Variants in FBXL7 observed in about 807,000 individuals in gnomAD.
FBXL7 encodes the protein F-box/LRR-repeat protein 7.
A neutral mutation model predicts 38.3 loss-of-function variants in FBXL7; 12 were observed. The observed-to-expected ratio is 0.31, with a 90% confidence interval of 0.20 to 0.51. The LOEUF is 0.51. Ranked by LOEUF, FBXL7 falls within the 20% of genes least tolerant of loss-of-function variation. FBXL7 has a pLI of 0.98. For missense variants in FBXL7, 567 were observed against 676.4 expected (o/e 0.84, Z 1.79); for synonymous variants, 297 against 300.9 (o/e 0.99, Z 0.13).
At chr5:15,524,773 T>C (rs915952392) in intron 1 of FBXL7, among the ~76,000 whole-genome samples, 3 of 152,254 alleles carry the variant, frequency 2.0e-5, no homozygotes, top group South Asian at 4.1e-4. Context: ...TAAATTATAA[T>C]GTGAGTAACC....
chr5:15,871,158 C>T (rs545114811), intron 2 of FBXL7, among the ~76,000 whole-genome samples: 6 of 152,184 alleles, frequency 3.9e-5, no homozygotes, highest in Non-Finnish European at 5.9e-5. Context: ...GCTGGTGACA[C>T]CCAGGCAAAC....
Position 15,614,251 on chromosome 5 carries a change from G to GTTCTTTTCTTTTCTT in FBXL7, c.38-1719_38-1705dup, listed in dbSNP as rs373461403. On this transcript the variant is annotated intron_variant, in intron 1 of 3. Transcript: ENST00000504595. ...TAGTTGGTCATTAGCAATAGCTTGC[G>GTTCTTTTCTTTTCTT]TTCTTTTCTTTTCTTTTCTTTTCTT... Among the ~76,000 whole-genome samples, 14 of 141,458 alleles carry GTTCTTTTCTTTTCTT rather than the reference G, an allele frequency of 9.9e-5. 1 individual carries two copies. The highest frequency in any genetic ancestry group is 3.6e-4 in the African/African-American group (12 of 33,172). The allele number at this position is 141,458 out of a possible 152,430, so 92.8% of individuals were successfully genotyped here. A position where few individuals can be genotyped will look rare whatever the true frequency, so the allele number is the denominator to read the frequency against.
chr5:15,621,190 T>A (rs1358908031), intron 2 of FBXL7, among the ~76,000 whole-genome samples: 1 of 152,194 alleles, frequency 6.6e-6, no homozygotes, highest in Non-Finnish European at 1.5e-5. Flanking sequence ...GAATTGGCAG[T>A]CAGCAGGGCT....
chr5:15,782,198 T>A (rs1052047931), intron 2 of FBXL7, among the ~76,000 whole-genome samples: 1 of 152,172 alleles, frequency 6.6e-6, no homozygotes, highest in Non-Finnish European at 1.5e-5. Context: ...ATGGTGTGTA[T>A]GTGCCACATT....
At chr5:15,673,483 A>C (rs768183135) in intron 2 of FBXL7, among the ~76,000 whole-genome samples, 2 of 152,138 alleles carry the variant, frequency 1.3e-5, no homozygotes, top group Non-Finnish European at 2.9e-5. Context: ...TTGGTGTATA[A>C]ACTGATTGTA....
chr5:15,777,603 A>G (rs1014496602), intron 2 of FBXL7, among the ~76,000 whole-genome samples: 1 of 151,508 alleles, frequency 6.6e-6, no homozygotes, highest in African/African-American at 2.4e-5. Flanking sequence ...ACAGTGAAAG[A>G]GAAGTTGAAT....
chr5:15,724,246 C>T (rs560373601), intron 2 of FBXL7, among the ~76,000 whole-genome samples: 20 of 152,174 alleles, frequency 1.3e-4, no homozygotes, highest in African/African-American at 4.8e-4. Flanking sequence ...GTGCTTAAAA[C>T]TTCCTTTTTA....
At chr5:15,707,173 C>CTTTTTT (rs1743708795) in intron 2 of FBXL7, among the ~76,000 whole-genome samples, 4 of 39,156 alleles carry the variant, frequency 1.0e-4, no homozygotes, top group Non-Finnish European at 2.2e-4. Context: ...TTTTTCTTTT[C>CTTTTTT]GTTTTTTTTT....
intron 2 of FBXL7, among the ~76,000 whole-genome samples, chr5:15,699,913 A>G (rs916151230): frequency 2.0e-5 from 3 of 152,228 alleles, no homozygotes; most frequent in Admixed American, 2.0e-4. Context: ...ATAATCTCAT[A>G]TAACTACATA....
At chr5:15,601,279 CT>C (rs5866151) in intron 1 of FBXL7, among the ~76,000 whole-genome samples, 129,381 of 152,158 alleles carry the variant, frequency 0.85, 55,410 homozygotes, top group Admixed American at 0.88. Flanking sequence ...TCTGTGAGAT[CT>C]TGGGAGTGGT....
At chr5:15,915,844 A>T (rs1336902002) in intron 2 of FBXL7, among the ~76,000 whole-genome samples, 1 of 152,176 alleles carries the variant, frequency 6.6e-6, no homozygotes, top group East Asian at 1.9e-4. Context: ...GAGATGAGAG[A>T]TGATGAGCAC....
intron 2 of FBXL7, among the ~76,000 whole-genome samples, chr5:15,808,166 G>A (rs1737765573): frequency 6.6e-6 from 1 of 151,812 alleles, no homozygotes; most frequent in African/African-American, 2.4e-5. Context: ...GCTGAAATAT[G>A]TATGTGGCAG....
At chr5:15,777,198 T>G (rs4701643) in intron 2 of FBXL7, among the ~76,000 whole-genome samples, 9,951 of 152,098 alleles carry the variant, frequency 0.065, 334 homozygotes, top group East Asian at 0.1. Context: ...AAGTCACACA[T>G]TGTTAGTAGT....
intron 2 of FBXL7, among the ~76,000 whole-genome samples, chr5:15,854,130 G>A (rs1377755638): frequency 6.6e-6 from 1 of 152,064 alleles, no homozygotes; most frequent in Non-Finnish European, 1.5e-5. Flanking sequence ...AGAATACTCA[G>A]CAGAAATAAG....
At chr5:15,716,451 G>GC (rs1744046575) in intron 2 of FBXL7, among the ~76,000 whole-genome samples, 1 of 152,114 alleles carries the variant, frequency 6.6e-6, no homozygotes, top group Admixed American at 6.5e-5. Flanking sequence ...TAACATTGCT[G>GC]CCCCCTCTGT....
At chr5:15,799,511 C>T (rs257776) in intron 2 of FBXL7, among the ~76,000 whole-genome samples, 81,029 of 151,628 alleles carry the variant, frequency 0.53, 22,947 homozygotes, top group Non-Finnish European at 0.64. Context: ...TACAGGCATG[C>T]GCCACCATGC....
intron 1 of FBXL7, chr5:15,607,093 T>G (rs1020405971): frequency 6.6e-6 from 1 of 152,128 alleles, no homozygotes; most frequent in African/African-American, 2.4e-5. Flanking sequence ...AACAGTAAAT[T>G]CAACACACCA....
At chr5:15,749,428 A>C (rs915326649) in intron 2 of FBXL7, among the ~76,000 whole-genome samples, 5 of 152,058 alleles carry the variant, frequency 3.3e-5, no homozygotes, top group Admixed American at 2.6e-4. Flanking sequence ...AGATCGAGAC[A>C]ATTCTGGCTA....
chr5:15,708,330 C>T (rs758322518), intron 2 of FBXL7, among the ~76,000 whole-genome samples: 2 of 152,176 alleles, frequency 1.3e-5, no homozygotes, highest in African/African-American at 2.4e-5. Context: ...GTTCCCATTT[C>T]GAATCTCATT....
Sources: allele counts gnomAD v4.1 joint callset (sites outside exome capture counted in the v4.1 genomes callset), GRCh38; gene constraint gnomAD v4.1.1; transcripts MANE v1.5; gene names NCBI Gene and HGNC (gene_info 2026-07-23, HGNC 2026-07-21).